Variants in EPB41L4A observed in about 807,000 individuals in gnomAD.
EPB41L4A encodes the protein band 4.1-like protein 4A.
Under a neutral mutation model 108.6 loss-of-function variants are expected in EPB41L4A, and 100 were observed. That is an observed-to-expected ratio of 0.92 (90% CI 0.78 to 1.09). The LOEUF (loss-of-function observed/expected upper bound fraction) is 1.09, where lower values mean the gene tolerates loss of function less well. Among genes scored for constraint, EPB41L4A ranks in the 50% least tolerant of loss-of-function variants. The pLI is 0.00. For synonymous variants in EPB41L4A, 319 were observed against 289.0 expected (o/e 1.10, Z -1.05); for missense variants, 1,030 against 842.7 (o/e 1.22, Z -2.75).
At chr5:112,378,894 C>G (rs1759988547) in intron 1 of EPB41L4A, among the ~76,000 whole-genome samples, 1 of 152,126 alleles carries the variant, frequency 6.6e-6, no homozygotes, top group African/African-American at 2.4e-5. Context: ...TAGTTCTAAC[C>G]CACACTATTT....
chr5:112,271,038 C>G (rs1013366982), intron 4 of EPB41L4A, among the ~76,000 whole-genome samples: 1 of 152,188 alleles, frequency 6.6e-6, no homozygotes, highest in Admixed American at 6.5e-5. Context: ...CAGATTCTCT[C>G]TTCGGGCAGA....
intron 1 of EPB41L4A, among the ~76,000 whole-genome samples, chr5:112,359,633 C>T (rs796740721): frequency 2.6e-5 from 4 of 152,124 alleles, no homozygotes; most frequent in African/African-American, 7.2e-5. Flanking sequence ...CTCCGCCTCC[C>T]GGGTTCACAC....
At chr5:112,313,440 A>C (rs938247387) in intron 1 of EPB41L4A, among the ~76,000 whole-genome samples, 2 of 151,928 alleles carry the variant, frequency 1.3e-5, no homozygotes, top group Admixed American at 1.3e-4. Context: ...AAATACAAAA[A>C]CTTAGCTGGG....
chr5:112,313,287 T>C (rs1755166037), intron 1 of EPB41L4A, among the ~76,000 whole-genome samples: 1 of 152,066 alleles, frequency 6.6e-6, no homozygotes, highest in Non-Finnish European at 1.5e-5. Flanking sequence ...AGAGATTTGG[T>C]TATCATCAAA....
At chr5:112,333,200 A>C (rs1756677122) in intron 1 of EPB41L4A, among the ~76,000 whole-genome samples, 1 of 152,096 alleles carries the variant, frequency 6.6e-6, no homozygotes, top group African/African-American at 2.4e-5. Context: ...TCTGGCTGAG[A>C]AGCTGCACCC....
At chr5:112,142,869 A>C (rs996695801) in exon 14 of EPB41L4A, 1 of 152,180 alleles carries the variant, frequency 6.6e-6, no homozygotes, top group African/African-American at 2.4e-5. Context: ...CCTCTCATTA[A>C]GAATAGAGAC....
chr5:112,335,514 A>G (rs1203069795), intron 1 of EPB41L4A, among the ~76,000 whole-genome samples: 2 of 152,192 alleles, frequency 1.3e-5, no homozygotes, highest in Non-Finnish European at 2.9e-5. Flanking sequence ...CAGGCCCTCA[A>G]ACTGGCATTT....
chr5:112,171,017 A>G, intron 18 of EPB41L4A, 25 bp from the exon 19 acceptor site: 1 of 1,600,864 alleles, frequency 6.2e-7, no homozygotes. Flanking sequence ...AACAACATTC[A>G]TCTCTGCAAA....
In EPB41L4A at chr5:112,204,496, GAA is replaced by G. The variant is rs768673258; in HGVS notation, c.1263-10_1263-9del. On this transcript the variant is annotated splice_polypyrimidine_tract_variant and intron_variant, in intron 14 of 22. Coordinates refer to ENST00000261486, the MANE Select transcript of EPB41L4A (RefSeq NM_022140.5). ...GGAGAATTGTAGAGTCCACTGGAGAGAAAGAAAAATGGTCAAAAAGAGCCCAG... is the reference window on the plus strand; with the variant it reads ...GGAGAATTGTAGAGTCCACTGGAGAGAGAAAAATGGTCAAAAAGAGCCCAG... The G allele has an allele frequency of 8.2e-6, 13 of 1,591,232 alleles. No homozygotes were observed. The African/African-American group carries it at 1.6e-4, about 20-fold the overall frequency.
rs141208507 is a variant in EPB41L4A, at chr5:112,325,726, A to G, written c.100-18236T>C. The stretch of plus-strand genomic sequence containing the variant: ...AGGGTGAGTTGGGGACGTAGGTTTC[A>G]TCCAGCCCTACTTGCAACCTCGGCA... On this transcript the variant is annotated intron_variant, in intron 1 of 22. Coordinates refer to ENST00000261486, the MANE Select transcript of EPB41L4A (RefSeq NM_022140.5). Among the ~76,000 whole-genome samples, 165 of 152,324 alleles carry G rather than the reference A, an allele frequency of 1.1e-3. 1 individual carries two copies. Among genetic ancestry groups the G allele is most frequent in the Non-Finnish European group, 2.0e-3 (135 of 68,020 alleles).
intron 1 of EPB41L4A, among the ~76,000 whole-genome samples, chr5:112,388,983 A>G (rs1221608923): frequency 6.6e-6 from 1 of 152,192 alleles, no homozygotes. Flanking sequence ...AGGCCTCTAA[A>G]GCAGTTGGTT....
chr5:112,184,614 G>C (rs1761332528), intron 17 of EPB41L4A, among the ~76,000 whole-genome samples: 1 of 152,150 alleles, frequency 6.6e-6, no homozygotes, highest in African/African-American at 2.4e-5. Flanking sequence ...TTTTTTGAGA[G>C]AGAAATCTAG....
chr5:112,198,097 G>A (rs749744067), intron 15 of EPB41L4A, among the ~76,000 whole-genome samples: 2 of 151,746 alleles, frequency 1.3e-5, no homozygotes, highest in Non-Finnish European at 2.9e-5. Flanking sequence ...ACAGTGGTGC[G>A]ATCTCAGCTC....
intron 2 of EPB41L4A, among the ~76,000 whole-genome samples, chr5:112,287,293 C>A (rs1753353757): frequency 6.6e-6 from 1 of 152,228 alleles, no homozygotes; most frequent in Admixed American, 6.5e-5. Flanking sequence ...TGTTCTCCTG[C>A]AGTCTTCACC....
chr5:112,202,523 C>T (rs1449584022), intron 15 of EPB41L4A, among the ~76,000 whole-genome samples: 3 of 152,126 alleles, frequency 2.0e-5, no homozygotes. Flanking sequence ...ATTGGGATTA[C>T]ATGAGATAAT....
At chr5:112,374,112 T>C (rs532210205) in intron 1 of EPB41L4A, among the ~76,000 whole-genome samples, 2 of 152,312 alleles carry the variant, frequency 1.3e-5, no homozygotes, top group East Asian at 3.9e-4. Context: ...GTGCTCAGTT[T>C]AGAAATAAAT....
At chr5:112,218,705 G>A (rs1198897124) in intron 12 of EPB41L4A, among the ~76,000 whole-genome samples, 1 of 152,162 alleles carries the variant, frequency 6.6e-6, no homozygotes, top group Non-Finnish European at 1.5e-5. Flanking sequence ...TATCAAGATT[G>A]TTTTTAAAAT....
At chr5:112,396,179 C>G (rs1347176314) in intron 1 of EPB41L4A, among the ~76,000 whole-genome samples, 1 of 152,094 alleles carries the variant, frequency 6.6e-6, no homozygotes, top group African/African-American at 2.4e-5. Context: ...GGCAAACCAA[C>G]ATGGCACATG....
intron 2 of EPB41L4A, among the ~76,000 whole-genome samples, chr5:112,289,532 A>C (rs910155501): frequency 6.6e-6 from 1 of 152,082 alleles, no homozygotes; most frequent in Non-Finnish European, 1.5e-5. Context: ...GGCAGAAGTA[A>C]CTGCCTGTCT....
Sources: gnomAD v4.1 joint callset for allele counts (sites outside exome capture counted in the v4.1 genomes callset) on GRCh38, gnomAD v4.1.1 for gene constraint, MANE v1.5 for transcripts, NCBI Gene and HGNC (gene_info 2026-07-23, HGNC 2026-07-21) for gene names.